NREP: variants seen among roughly 807,000 people sequenced by gnomAD.
NREP encodes neuronal regeneration related protein.
In NREP, 5 loss-of-function variants were observed where a neutral mutation model predicts 8.6. The observed-to-expected ratio is 0.58, with a 90% CI of 0.30 to 1.22. NREP has a LOEUF of 1.22. Ranked by LOEUF, NREP falls within the 50% of genes most tolerant of loss-of-function variation. The pLI, the probability that NREP is intolerant of heterozygous loss-of-function variation, is 0.07. For synonymous variants in NREP, 27 were observed against 28.0 expected (o/e 0.96, Z 0.11); for missense variants, 86 against 82.5 (o/e 1.04, Z -0.17).
Position 111,966,637 on chromosome 5 carries a change from A to G in NREP, c.135+8637T>C, listed in dbSNP as rs138426389. Among the ~76,000 whole-genome samples the G allele has an allele frequency of 2.3e-3, 352 of 152,340 alleles. 1 individual carries two copies. The highest frequency in any genetic ancestry group is 8.2e-3 in the African/African-American group (342 of 41,586). On this transcript the variant is annotated intron_variant, in intron 2 of 3. Coordinates refer to the NREP transcript ENST00000395634. ...GGATTCAAAAAATGAGAGAAGGAGG[A>G]AAAAAGGAGAATTAAAGCAGAAAAC...
At chr5:111,929,519 C>T (rs1755480205) in intron 2 of NREP, among the ~76,000 whole-genome samples, 1 of 152,180 alleles carries the variant, frequency 6.6e-6, no homozygotes, top group African/African-American at 2.4e-5. Flanking sequence ...GTGCTGGCCA[C>T]ATATATTTAG....
At chr5:111,758,918 T>A (rs138428316), upstream of NREP, among the ~76,000 whole-genome samples, 1 of 152,342 alleles carries the variant, frequency 6.6e-6, no homozygotes, top group East Asian at 1.9e-4. Flanking sequence ...CTGGGTATGA[T>A]GTTTAAGGAG....
intron 2 of NREP, among the ~76,000 whole-genome samples, chr5:111,787,501 G>T (rs759612993): frequency 1.3e-5 from 2 of 151,844 alleles, no homozygotes; most frequent in Non-Finnish European, 2.9e-5. Flanking sequence ...AGAAAGTTCA[G>T]TTATAATGGA....
chr5:111,753,758 G>C (rs1016640721), intron 2 of NREP, among the ~76,000 whole-genome samples: 1 of 152,050 alleles, frequency 6.6e-6, no homozygotes, highest in African/African-American at 2.4e-5. Flanking sequence ...TGTGGGCTAA[G>C]TCTTCACTCT....
At position 111,902,879 on chromosome 5, in the gene NREP, A is replaced by G. The variant is rs150580764; in HGVS notation, c.135+72395T>C. On this transcript the variant is annotated intron_variant, in intron 2 of 3. Transcript: ENST00000395634. ...TTTCCTAATCTTAAAAAAAATCTGT[A>G]AAGGCACCCATTTTTCTTCAGTTAA... Among the ~76,000 whole-genome samples the G allele has an allele frequency of 1.4e-3, 215 of 152,158 alleles. 4 individuals are homozygous for G. Among genetic ancestry groups the G allele is most frequent in the Non-Finnish European group, 3.5e-4 (24 of 68,004 alleles).
intron 2 of NREP, among the ~76,000 whole-genome samples, chr5:111,819,950 T>A (rs189447119): frequency 1.3e-5 from 2 of 152,312 alleles, no homozygotes; most frequent in African/African-American, 4.8e-5. Flanking sequence ...AGCCTCACTT[T>A]CAGTAATTTA....
chr5:111,809,355 A>G (rs932281888), intron 2 of NREP, among the ~76,000 whole-genome samples: 2 of 152,196 alleles, frequency 1.3e-5, no homozygotes, highest in African/African-American at 4.8e-5. Flanking sequence ...CTCCCTTTCA[A>G]GAAGTCAGCT....
chr5:111,806,571 C>G (rs138648043), intron 2 of NREP, among the ~76,000 whole-genome samples: 2 of 152,126 alleles, frequency 1.3e-5, no homozygotes, highest in East Asian at 3.9e-4. Context: ...GAATTTGTTA[C>G]AGCCATCAGC....
chr5:111,799,845 T>C (rs1751960995), intron 2 of NREP, among the ~76,000 whole-genome samples: 1 of 152,230 alleles, frequency 6.6e-6, no homozygotes, highest in South Asian at 2.1e-4. Context: ...AAGGTAGATA[T>C]GAAATACAGT....
downstream of NREP, chr5:111,729,192 G>A (rs1445233964): frequency 1.3e-5 from 2 of 152,154 alleles, no homozygotes; most frequent in Non-Finnish European, 2.9e-5. Context: ...TTTGATATTT[G>A]CCCTTGGGTT....
At chr5:111,833,890 T>C (rs1245154925) in intron 2 of NREP, among the ~76,000 whole-genome samples, 1 of 152,216 alleles carries the variant, frequency 6.6e-6, no homozygotes, top group Non-Finnish European at 1.5e-5. Context: ...TTCCTTTGTT[T>C]CAGACTATAG....
At chr5:111,855,535 C>G (rs530943752) in intron 2 of NREP, among the ~76,000 whole-genome samples, 4 of 152,280 alleles carry the variant, frequency 2.6e-5, no homozygotes, top group Admixed American at 2.6e-4. Context: ...GCTCATTTAA[C>G]TCACACTTCT....
At chr5:111,895,445 T>C (rs1754485796) in intron 2 of NREP, among the ~76,000 whole-genome samples, 1 of 152,086 alleles carries the variant, frequency 6.6e-6, no homozygotes, top group Admixed American at 6.6e-5. Flanking sequence ...ATTTTAGATA[T>C]TTCAGTGCCA....
chr5:111,815,984 T>A (rs1056219434), intron 2 of NREP, among the ~76,000 whole-genome samples: 1 of 152,106 alleles, frequency 6.6e-6, no homozygotes, highest in Non-Finnish European at 1.5e-5. Context: ...AAAAGACATA[T>A]GGCTTTCAAA....
chr5:111,897,941 G>A (rs961857863), intron 2 of NREP, among the ~76,000 whole-genome samples: 4 of 151,956 alleles, frequency 2.6e-5, no homozygotes, highest in Non-Finnish European at 4.4e-5. Flanking sequence ...TAATGATTTT[G>A]AATTTTTTCT....
chr5:111,917,185 A>G lies in NREP; in HGVS notation c.135+58089T>C, dbSNP rs576686594. Among the ~76,000 whole-genome samples the G allele has an allele frequency of 2.0e-5, 3 of 152,258 alleles. No individual in the cohort carries two copies. In the East Asian group the frequency reaches 5.8e-4, roughly 29 times the overall value. On this transcript the variant is annotated intron_variant, in intron 2 of 3. Transcript: ENST00000395634. ...TGTTTAAGAAGTCATATGCTAGACC[A>G]ATAACATGTTCTGAAATTGAGGCAG...
chr5:111,814,492 G>C (rs958543626), intron 2 of NREP, among the ~76,000 whole-genome samples: 2 of 152,020 alleles, frequency 1.3e-5, no homozygotes, highest in African/African-American at 2.4e-5. Context: ...CTTTCTTTTT[G>C]CTTGATTTCT....
chr5:111,755,598 C>A, intron 2 of NREP, 172 bp downstream of exon 2: 1 of 676,848 alleles, frequency 1.5e-6, no homozygotes, highest in Non-Finnish European at 2.7e-6. Flanking sequence ...ACATCCAATT[C>A]ACATAAATTG....
At chr5:111,828,275 C>A (rs191483098) in intron 2 of NREP, among the ~76,000 whole-genome samples, 1 of 152,180 alleles carries the variant, frequency 6.6e-6, no homozygotes, top group Admixed American at 6.5e-5. Context: ...AGTGATCCAC[C>A]GCCTCAGCAT....
Sources: gnomAD v4.1 joint callset for allele counts (sites outside exome capture counted in the v4.1 genomes callset) on GRCh38, gnomAD v4.1.1 for gene constraint, MANE v1.5 for transcripts, NCBI Gene and HGNC (gene_info 2026-07-23, HGNC 2026-07-21) for gene names.